Variants in NKAIN3 observed in about 807,000 individuals in gnomAD.
NKAIN3 encodes sodium/potassium-transporting ATPase subunit beta-1-interacting protein 3.
Under a neutral mutation model 30.2 loss-of-function variants are expected in NKAIN3, and 25 were observed. That is an observed-to-expected ratio of 0.83 (90% CI 0.60 to 1.16). NKAIN3 has a LOEUF of 1.16. Ranked by LOEUF, NKAIN3 falls within the 50% of genes most tolerant of loss-of-function variation. NKAIN3 has a pLI of 0.00. For missense variants in NKAIN3, 225 were observed against 254.1 expected, an observed-to-expected ratio of 0.89 and a Z score of 0.78; for synonymous variants, 91 against 89.6, an observed-to-expected ratio of 1.02 and a Z score of -0.09.
chr8:62,588,366 AATTTCCAGTG>A (rs1810543552), intron 2 of NKAIN3, among the ~76,000 whole-genome samples: 1 of 151,828 alleles, frequency 6.6e-6, no homozygotes, highest in Non-Finnish European at 1.5e-5. Flanking sequence ...TTTCCAACTA[AATTTCCAGTG>A]ATTTTTGAGC....
intron 1 of NKAIN3, among the ~76,000 whole-genome samples, chr8:62,299,449 C>G (rs146512859): frequency 1.4e-3 from 214 of 152,216 alleles, no homozygotes; most frequent in African/African-American, 4.9e-3. Context: ...CCTGTTCACA[C>G]AGGTTGGACT....
chr8:62,575,147 A>C (rs993882163), intron 1 of NKAIN3, among the ~76,000 whole-genome samples: 2 of 152,136 alleles, frequency 1.3e-5, no homozygotes, highest in African/African-American at 4.8e-5. Context: ...AAGGAAATAA[A>C]AGGCATCAAA....
intron 3 of NKAIN3, among the ~76,000 whole-genome samples, chr8:62,662,494 T>G (rs1812976941): frequency 6.6e-6 from 1 of 152,252 alleles, no homozygotes; most frequent in Non-Finnish European, 1.5e-5. Flanking sequence ...TAGCAATTCT[T>G]GCTTATTACT....
intron 4 of NKAIN3, among the ~76,000 whole-genome samples, chr8:62,849,362 G>A (rs1819796426): frequency 1.4e-5 from 2 of 147,324 alleles, no homozygotes; most frequent in African/African-American, 2.5e-5. Flanking sequence ...CTCTCTATTG[G>A]TCTATTCAGG....
intron 1 of NKAIN3, among the ~76,000 whole-genome samples, chr8:62,357,901 CAT>C (rs1816411169): frequency 6.6e-6 from 1 of 152,148 alleles, no homozygotes; most frequent in African/African-American, 2.4e-5. Flanking sequence ...TAGATGATAA[CAT>C]ATCACCTTAT....
At chr8:62,676,575 A>G (rs1813482886) in intron 3 of NKAIN3, among the ~76,000 whole-genome samples, 1 of 152,240 alleles carries the variant, frequency 6.6e-6, no homozygotes. Flanking sequence ...TCTTAAAAAC[A>G]AAAACAAAGT....
chr8:62,518,531 C>T (rs1808063191), intron 1 of NKAIN3, among the ~76,000 whole-genome samples: 1 of 152,020 alleles, frequency 6.6e-6, no homozygotes, highest in Non-Finnish European at 1.5e-5. Context: ...GCATGTGAAC[C>T]GTTTCCGTGG....
intron 5 of NKAIN3, among the ~76,000 whole-genome samples, chr8:62,928,631 C>T (rs1429465035): frequency 5.3e-5 from 8 of 152,152 alleles, no homozygotes; most frequent in Non-Finnish European, 1.2e-4. Context: ...GTATTCTAGA[C>T]GAGGGTTCCA....
intron 3 of NKAIN3, among the ~76,000 whole-genome samples, chr8:62,723,100 G>A (rs1815142314): frequency 6.6e-6 from 1 of 152,086 alleles, no homozygotes. Context: ...CCAATCAGCT[G>A]CCGCATCCAT....
intron 1 of NKAIN3, among the ~76,000 whole-genome samples, chr8:62,438,608 C>T (rs1206100889): frequency 6.6e-6 from 1 of 152,134 alleles, no homozygotes. Flanking sequence ...GTCATCCAGG[C>T]TGGAGTGCAG....
At chr8:62,870,876 A>G (rs191105927) in intron 4 of NKAIN3, among the ~76,000 whole-genome samples, 18 of 68,596 alleles carry the variant, frequency 2.6e-4, no homozygotes, top group Admixed American at 4.5e-4. Context: ...AATGGAAATC[A>G]CTAAATGAAG....
rs575685444 is a variant in NKAIN3 at position 62,303,691 on chromosome 8, A to G, written c.54+54564A>G. ...TTTTGAGAGTTTTAATTTGAAAAAAATCAGATAACTTCAAATTCCAAGTCA... is the reference window on the plus strand; with the variant it reads ...TTTTGAGAGTTTTAATTTGAAAAAAGTCAGATAACTTCAAATTCCAAGTCA... On this transcript the variant is annotated intron_variant, in intron 1 of 6. Transcript: ENST00000623646. Among the ~76,000 whole-genome samples the G allele has an allele frequency of 4.8e-4, 73 of 150,794 alleles. 1 individual carries two copies. Among genetic ancestry groups the G allele is most frequent in the Non-Finnish European group, 8.8e-4 (60 of 67,990 alleles).
chr8:62,316,397 A>G (rs185936269), intron 1 of NKAIN3, among the ~76,000 whole-genome samples: 202 of 151,804 alleles, frequency 1.3e-3, no homozygotes, highest in African/African-American at 4.6e-3. Flanking sequence ...TTCATTTAAC[A>G]TTAGGTATAT....
intron 1 of NKAIN3, among the ~76,000 whole-genome samples, chr8:62,569,150 T>A (rs1316760136): frequency 6.6e-6 from 1 of 152,192 alleles, no homozygotes; most frequent in East Asian, 1.9e-4. Context: ...CTTATTCACC[T>A]GCCTGTAGAC....
chr8:62,780,505 A>G (rs1817324508), intron 4 of NKAIN3, among the ~76,000 whole-genome samples: 1 of 152,146 alleles, frequency 6.6e-6, no homozygotes, highest in Admixed American at 6.6e-5. Context: ...ACAGGCCTAT[A>G]TCACTGATGA....
intron 3 of NKAIN3, among the ~76,000 whole-genome samples, chr8:62,728,456 A>G (rs1285995487): frequency 6.6e-6 from 1 of 152,000 alleles, no homozygotes; most frequent in Non-Finnish European, 1.5e-5. Context: ...TGAGGTCGGG[A>G]GTTCGAGACC....
chr8:62,431,101 A>G (rs1255023229), intron 1 of NKAIN3, among the ~76,000 whole-genome samples: 2 of 151,888 alleles, frequency 1.3e-5, no homozygotes, highest in Admixed American at 1.3e-4. Flanking sequence ...TGTATTTTAT[A>G]TTAATATTAC....
intron 1 of NKAIN3, among the ~76,000 whole-genome samples, chr8:62,341,875 T>TATG (rs1286094986): frequency 6.6e-6 from 1 of 152,044 alleles, no homozygotes; most frequent in Non-Finnish European, 1.5e-5. Context: ...TTTTCTCCCT[T>TATG]TTTACTCTAT....
intron 1 of NKAIN3, among the ~76,000 whole-genome samples, chr8:62,387,889 CT>C (rs1817476691): frequency 6.6e-6 from 1 of 152,186 alleles, no homozygotes; most frequent in Admixed American, 6.5e-5. Context: ...GCAAAAAACT[CT>C]GCTTATGGCT....
Sources: gnomAD v4.1 joint callset for allele counts (sites outside exome capture counted in the v4.1 genomes callset) on GRCh38, gnomAD v4.1.1 for gene constraint, MANE v1.5 for transcripts, NCBI Gene and HGNC (gene_info 2026-07-23, HGNC 2026-07-21) for gene names.